FBN1: variants seen among roughly 807,000 people sequenced by gnomAD.
FBN1 encodes fibrillin 1.
Under a neutral mutation model 365.1 loss-of-function variants are expected in FBN1, and 29 were observed. The observed-to-expected ratio is 0.08, with a 90% CI of 0.06 to 0.11. FBN1 has a LOEUF of 0.11. Ranked by LOEUF, FBN1 falls within the 10% of genes least tolerant of loss-of-function variation. The pLI is 1.00. For synonymous variants in FBN1, 1,210 were observed against 1,270.5 expected, an observed-to-expected ratio of 0.95 and a Z score of 1.01; for missense variants, 2,476 against 3,703.2, an observed-to-expected ratio of 0.67 and a Z score of 8.60.
rs766358553 is a variant in FBN1, at chr15:48,448,857, C to T, written c.5582G>A (p.Ser1861Asn). The change falls in exon 46 of 66, where the codon AGT (serine) becomes AAT (asparagine). Residue 1861 changes from serine to asparagine, a missense_variant. Physicochemically the swap from Ser to Asn is conservative, Grantham distance 46 (BLOSUM62 1). This residue lies in a region of FBN1 where 1,780 missense variants were observed against 2,840.8 expected (regional missense o/e 0.63). Transcript: ENST00000316623. ...NECQEIPNIC[S>N]HGQCIDTVGS... is the part of the protein sequence containing the mutation. ...AACTGTGTCAATGCACTGCCCATGA[C>T]TGCATATATTGGGGATTTCTTGACA... The T allele has an allele frequency of 1.1e-5, 18 of 1,611,762 alleles. No individual in the cohort carries two copies. The highest frequency in any genetic ancestry group is 1.1e-5 in the Non-Finnish European group (13 of 1,178,266).
At chr15:48,566,485 A>G (rs1256600541) in intron 6 of FBN1, among the ~76,000 whole-genome samples, 2 of 152,222 alleles carry the variant, frequency 1.3e-5, no homozygotes, top group Non-Finnish European at 2.9e-5. Context: ...AGACTTCAAC[A>G]TGGAAAAACC....
chr15:48,578,028 T>C (rs561792605), intron 6 of FBN1, among the ~76,000 whole-genome samples: 7 of 152,158 alleles, frequency 4.6e-5, no homozygotes, highest in Non-Finnish European at 1.0e-4. Flanking sequence ...CCAACCATCG[T>C]TTACATGCAA....
At chr15:48,456,843 C>CATGT (rs1555396452) in intron 43 of FBN1, 81 bp from the exon 44 acceptor site, 14 of 744,728 alleles carry the variant, frequency 1.9e-5, no homozygotes, top group Admixed American at 7.9e-5. Flanking sequence ...AAAGTGCGTG[C>CATGT]GTGTGTGTGT....
At chr15:48,510,798 G>A (rs1402104639) in intron 13 of FBN1, among the ~76,000 whole-genome samples, 1 of 152,050 alleles carries the variant, frequency 6.6e-6, no homozygotes, top group Non-Finnish European at 1.5e-5. Flanking sequence ...ATTATGCCAA[G>A]GTACACAACA....
chr15:48,512,909 G>GAAACTCAGTACATA (rs1566916024), intron 13 of FBN1, among the ~76,000 whole-genome samples: 1 of 152,144 alleles, frequency 6.6e-6, no homozygotes, highest in Non-Finnish European at 1.5e-5. Context: ...CAGTACATAA[G>GAAACTCAGTACATA]AGTCATTTAA....
chr15:48,533,677 A>G (rs547715113), intron 8 of FBN1, among the ~76,000 whole-genome samples: 1 of 152,328 alleles, frequency 6.6e-6, no homozygotes, highest in East Asian at 1.9e-4. Flanking sequence ...CCCCACACAC[A>G]AAATCAAACA....
intron 60 of FBN1, 72 bp from the exon 61 acceptor site, chr15:48,422,140 G>T: frequency 9.9e-7 from 1 of 1,012,002 alleles, no homozygotes. Context: ...ACCCTATGAA[G>T]CAGCTCCACG....
At position 48,463,763 on chromosome 15, in the gene FBN1, C is replaced by G. The variant is rs561961477; in HGVS notation, c.5065+136G>C. ...AAGTTATGATTTATAGGGGAAGAGT[C>G]TCCTAACAAGACAGTGAAGGGATGC... On this transcript the variant is annotated intron_variant, in intron 41 of 65. Transcript: ENST00000316623. The G allele has an allele frequency of 1.6e-4, 164 of 997,170 alleles. No homozygotes were observed. In the African/African-American group the frequency reaches 2.4e-3, roughly 14 times the overall value. 61.8% of individuals were successfully genotyped at this position (997,170 alleles called of 1,614,324 possible).
chr15:48,443,128 T>C (rs2043129327), intron 49 of FBN1, among the ~76,000 whole-genome samples: 1 of 152,208 alleles, frequency 6.6e-6, no homozygotes, highest in Admixed American at 6.6e-5. Flanking sequence ...AGCTTCTCCA[T>C]CATGCCATGT....
chr15:48,586,973 T>C (rs1037035788), intron 6 of FBN1, among the ~76,000 whole-genome samples: 6 of 152,186 alleles, frequency 3.9e-5, no homozygotes, highest in African/African-American at 1.4e-4. Flanking sequence ...TTAAACTAAG[T>C]AAAAACAGTT....
chr15:48,488,929 T>A (rs1453580426), intron 25 of FBN1, among the ~76,000 whole-genome samples: 1 of 152,218 alleles, frequency 6.6e-6, no homozygotes, highest in Non-Finnish European at 1.5e-5. Flanking sequence ...GGTGCTTTTT[T>A]GGATATGCCA....
rs946599334 is a variant in FBN1 at position 48,607,079 on chromosome 15, A to G, written c.346+3649T>C. On this transcript the variant is annotated intron_variant, in intron 4 of 65. Transcript: ENST00000316623. The stretch of plus-strand genomic sequence containing the variant: ...CGAGCCAAATAAACTTTTGTTGTTT[A>G]TAAGTTATCCAGTCTGTGGTATACT... Among the ~76,000 whole-genome samples, 4 of 152,094 alleles carry G rather than the reference A, an allele frequency of 2.6e-5. No homozygotes were observed. The South Asian group carries it at 6.2e-4, about 24-fold the overall frequency.
chr15:48,589,049 C>A (rs1334515854), intron 6 of FBN1, among the ~76,000 whole-genome samples: 1 of 152,204 alleles, frequency 6.6e-6, no homozygotes, highest in African/African-American at 2.4e-5. Flanking sequence ...TTTCTGCCAA[C>A]AAGCTAGGGG....
chr15:48,440,914 A>AC (rs3074894), intron 50 of FBN1, among the ~76,000 whole-genome samples: 5 of 150,620 alleles, frequency 3.3e-5, no homozygotes, highest in Non-Finnish European at 5.9e-5. Flanking sequence ...AAAAAAAAAA[A>AC]CCCAACTCAA....
intron 1 of FBN1, among the ~76,000 whole-genome samples, chr15:48,645,263 G>T (rs143821539): frequency 3.9e-5 from 6 of 152,136 alleles, no homozygotes; most frequent in African/African-American, 1.4e-4. Context: ...AATTGCGCGC[G>T]ATGCGCGCTC....
At chr15:48,414,789 C>G (rs914424260) in intron 64 of FBN1, among the ~76,000 whole-genome samples, 8 of 151,624 alleles carry the variant, frequency 5.3e-5, no homozygotes, top group Non-Finnish European at 1.0e-4. Context: ...CCAGCTACTC[C>G]AGAGGCTGAG....
intron 6 of FBN1, among the ~76,000 whole-genome samples, chr15:48,575,802 T>TACACACACACACACAC (rs58125518): frequency 2.9e-5 from 4 of 140,126 alleles, no homozygotes; most frequent in East Asian, 2.1e-4. Context: ...AAATGTGAGA[T>TACACACACACACACAC]ACACACACAC....
chr15:48,584,946 A>C lies in FBN1; in HGVS notation c.538+11337T>G, dbSNP rs1210200636. On this transcript the variant is annotated intron_variant, in intron 6 of 65. Coordinates refer to ENST00000316623, the MANE Select transcript of FBN1 (RefSeq NM_000138.5). ...AGTGAAGTTTTCAAATGATTATATAAAGAATGAGTCAAAATTTACTTCTGG... is the reference window on the plus strand; with the variant it reads ...AGTGAAGTTTTCAAATGATTATATACAGAATGAGTCAAAATTTACTTCTGG... 4.6e-5 allele frequency among the ~76,000 whole-genome samples: 7 copies of C among 152,366 alleles called. No homozygotes were observed. The East Asian group carries it at 1.3e-3, about 29-fold the overall frequency.
chr15:48,617,902 G>A (rs1889688372), intron 2 of FBN1, among the ~76,000 whole-genome samples: 2 of 152,162 alleles, frequency 1.3e-5, no homozygotes, highest in South Asian at 4.1e-4. Context: ...TATGCAAAGT[G>A]CAAACTCCTT....
Sources: allele counts gnomAD v4.1 joint callset (sites outside exome capture counted in the v4.1 genomes callset), GRCh38; gene constraint gnomAD v4.1.1; regional missense constraint gnomAD v4.1.1; transcripts MANE v1.5; gene names NCBI Gene and HGNC (gene_info 2026-07-23, HGNC 2026-07-21).